POLR3F: variants seen among roughly 807,000 people sequenced by gnomAD.
The protein encoded by POLR3F is RNA polymerase III subunit F.
In POLR3F, 31 loss-of-function variants were observed where a neutral mutation model predicts 43.6. That is an observed-to-expected ratio of 0.71 (90% CI 0.53 to 0.96). POLR3F has a LOEUF of 0.96. Among genes scored for constraint, POLR3F ranks in the 40% least tolerant of loss-of-function variants. POLR3F has a pLI of 0.00. For synonymous variants in POLR3F, 114 were observed against 132.5 expected (o/e 0.86, Z 0.96); for missense variants, 316 against 391.7 (o/e 0.81, Z 1.63).
Position 18,480,423 on chromosome 20 carries a change from A to G in POLR3F, c.595A>G (p.Lys199Glu). The G allele has an allele frequency of 1.9e-6, 3 of 1,611,120 alleles. No individual in the cohort carries two copies. Among genetic ancestry groups the G allele is most frequent in the Non-Finnish European group, 2.5e-6 (3 of 1,177,336 alleles). The part of the protein sequence containing the change: ...QSKAETARES[K>E]QNPMIQRNSS... ...ATAGGCAGAAACAGCACGAGAAAGC[A>G]AACAGAACCCAATGATACAAAGAAA... The change falls in exon 7 of 9, where the codon AAA (lysine) becomes GAA (glutamate). Residue 199 changes from lysine to glutamate, a missense_variant. Lys to Glu is a moderately conservative substitution (Grantham distance 56). This residue lies in a region of POLR3F where 109 missense variants were observed against 177.7 expected (regional missense o/e 0.61). Transcript: ENST00000377603.
intron 1 of POLR3F, among the ~76,000 whole-genome samples, chr20:18,468,365 G>A (rs1471174740): frequency 6.6e-6 from 1 of 152,152 alleles, no homozygotes; most frequent in Non-Finnish European, 1.5e-5. Context: ...GTGAGCCACC[G>A]CGCCCGGCCC....
At chr20:18,482,622 C>T (rs1009024171) in intron 8 of POLR3F, among the ~76,000 whole-genome samples, 1 of 152,128 alleles carries the variant, frequency 6.6e-6, no homozygotes, top group Non-Finnish European at 1.5e-5. Context: ...CCCCAGCACT[C>T]CTCCTTCATT....
Position 18,467,459 on chromosome 20 carries a change from G to T in POLR3F, c.-48G>T, listed in dbSNP as rs182853828. ...TCCCCGGGTTCCCCGGCTTGCTACC[G>T]GGCTGCTCCGTGCATCTTTCCCCCC... On this transcript the variant is annotated 5_prime_UTR_variant, in exon 1 of 9. Coordinates refer to ENST00000377603, the MANE Select transcript of POLR3F (RefSeq NM_006466.4). 4.3e-5 allele frequency: 69 copies of T among 1,608,994 alleles called. No individual in the cohort carries two copies. In the Admixed American group the frequency reaches 9.8e-4, roughly 23 times the overall value.
At chr20:18,475,288 A>T (rs1356600367) in intron 5 of POLR3F, 101 bp downstream of exon 5, 10 of 562,484 alleles carry the variant, frequency 1.8e-5, no homozygotes, top group Non-Finnish European at 3.2e-5. Flanking sequence ...AAAAAGACTT[A>T]AAAATTTAGC....
At chr20:18,481,012 C>G (rs1300082728) in intron 7 of POLR3F, among the ~76,000 whole-genome samples, 1 of 152,122 alleles carries the variant, frequency 6.6e-6, no homozygotes, top group South Asian at 2.1e-4. Context: ...TTTTATAAAT[C>G]TCCAATAAAT....
At chr20:18,482,562 G>C (rs1038052551) in intron 8 of POLR3F, among the ~76,000 whole-genome samples, 1 of 152,126 alleles carries the variant, frequency 6.6e-6, no homozygotes, top group Non-Finnish European at 1.5e-5. Context: ...ATACAGCTTA[G>C]AAGTAACCGG....
Position 18,480,484 on chromosome 20 carries a change from A to G in POLR3F, c.656A>G (p.Tyr219Cys), listed in dbSNP as rs2148867241. The G allele has an allele frequency of 1.9e-6, 3 of 1,598,924 alleles. No individual in the cohort carries two copies. The highest frequency in any genetic ancestry group is 4.5e-5 in the East Asian group (2 of 44,784). The stretch of plus-strand genomic sequence containing the variant: ...GCCTCATCACATGAAGTGTGGAAAT[A>G]TATCTGCGAATTGGGAATCAGTAAG... ...SFASSHEVWK[Y>C]ICELGISKVE... is the part of the protein sequence containing the mutation. Residue 219 changes from tyrosine to cysteine, a missense_variant, in exon 7 of 9, where the codon TAT becomes TGT. By Grantham distance (194) the Tyr-to-Cys change is radical. Coordinates refer to ENST00000377603, the MANE Select transcript of POLR3F (RefSeq NM_006466.4).
At chr20:18,472,078 T>C (rs950112873) in intron 2 of POLR3F, among the ~76,000 whole-genome samples, 1 of 152,232 alleles carries the variant, frequency 6.6e-6, no homozygotes, top group African/African-American at 2.4e-5. Context: ...TGGGTTCTCT[T>C]AAGTTCGGAC....
chr20:18,475,307 G>T (rs2059774215), intron 5 of POLR3F, 120 bp downstream of exon 5: 1 of 529,738 alleles, frequency 1.9e-6, no homozygotes, highest in African/African-American at 2.0e-5. Flanking sequence ...GCTCATGTTG[G>T]ATTGGTTTGG....
intron 8 of POLR3F, 152 bp downstream of exon 8, chr20:18,481,962 A>G (rs1213259551): frequency 1.9e-6 from 1 of 522,336 alleles, no homozygotes; most frequent in Non-Finnish European, 3.4e-6. Context: ...ACAGACCTTT[A>G]ATGAACACAT....
Position 18,481,791 on chromosome 20 carries a change from C to A in POLR3F, c.854C>A (p.Ala285Glu). The part of the protein sequence containing the change: ...PIIPPTGLVR[A>E]PCGLCPVFDD... ...ATCCCTCCCACAGGTTTGGTCCGGG[C>A]ACCCTGTGGACTCTGCCCGGTGAGT... Residue 285 changes from alanine to glutamate, a missense_variant, in exon 8 of 9, where the codon GCA (alanine) becomes GAA (glutamate). Ala to Glu is a moderately radical substitution (Grantham distance 107). Transcript: ENST00000377603. 6.2e-7 allele frequency: 1 copy of A among 1,612,830 alleles called. No homozygotes were observed.
rs1480124275 is a variant in POLR3F at position 18,475,253 on chromosome 20, T to C, written c.429+66T>C. The C allele has an allele frequency of 1.8e-5, 12 of 680,836 alleles. No homozygotes were observed. In the Admixed American group the frequency reaches 2.0e-4, roughly 12 times the overall value. 42.2% of individuals were successfully genotyped at this position (680,836 alleles called of 1,614,324 possible). A position where few individuals can be genotyped will look rare whatever the true frequency, so the allele number is the denominator to read the frequency against. ...CTTCAAGTTTTTATTCTTGAAGTTATGTCATGATTTAGAACAGCTGGTCAA... is the reference window on the plus strand; with the variant it reads ...CTTCAAGTTTTTATTCTTGAAGTTACGTCATGATTTAGAACAGCTGGTCAA... On this transcript the variant is annotated intron_variant, in intron 5 of 8. Transcript: ENST00000377603.
intron 2 of POLR3F, chr20:18,470,580 CTG>C (rs1293559626): frequency 6.5e-6 from 1 of 154,856 alleles, no homozygotes; most frequent in Non-Finnish European, 1.5e-5. Context: ...AGTTATTTCA[CTG>C]TGGTGAAGGT....
intron 5 of POLR3F, among the ~76,000 whole-genome samples, chr20:18,479,753 G>A (rs1160790035): frequency 6.6e-6 from 1 of 152,158 alleles, no homozygotes; most frequent in Non-Finnish European, 1.5e-5. Context: ...ATGATGTCCT[G>A]GATGGAATCC....
chr20:18,467,524 G>A lies in POLR3F; in HGVS notation c.18G>A (p.Val6=), dbSNP rs1379851416. 6 of 1,614,298 alleles carry A rather than the reference G, an allele frequency of 3.7e-6. No homozygotes were observed. Among genetic ancestry groups the A allele is most frequent in the Non-Finnish European group, 5.1e-6 (6 of 1,180,056 alleles). The change falls in exon 1 of 9, where the codon GTG becomes GTA. Residue 6 remains valine (V), a synonymous_variant. Coordinates refer to ENST00000377603, the MANE Select transcript of POLR3F (RefSeq NM_006466.4). ...GCGCCCTCATGGCGGAGGTGAAGGT[G>A]AAGGTGCAGCCGCCTGACGCGGATC... The part of the protein sequence containing the change: MAEVK[V]KVQPPDADPV...
At chr20:18,481,561 C>T (rs996003210) in intron 7 of POLR3F, 58 bp from the exon 8 acceptor site, 3 of 1,182,050 alleles carry the variant, frequency 2.5e-6, no homozygotes, top group African/African-American at 1.5e-5. Flanking sequence ...TTTTAACACC[C>T]TCCAAGTGGA....
chr20:18,483,523 A>G lies in POLR3F; in HGVS notation c.916A>G (p.Asn306Asp), dbSNP rs1360876659. Reference sequence around the variant, plus strand: ...CGAAGGTGGTGAGATTTCACCATCTAACTGTATTTACATGACAGAGTGGCT... The same window carrying G: ...CGAAGGTGGTGAGATTTCACCATCTGACTGTATTTACATGACAGAGTGGCT... ...CHEGGEISPS[N>D]CIYMTEWLEF The change falls in exon 9 of 9, where the codon AAC (asparagine) becomes GAC (aspartate). Residue 306 changes from asparagine to aspartate, a missense_variant. This residue lies in a region of POLR3F where 85 missense variants were observed against 80.2 expected (regional missense o/e 1.06). Coordinates refer to ENST00000377603, the MANE Select transcript of POLR3F (RefSeq NM_006466.4). 3 of 1,540,100 alleles carry G rather than the reference A, an allele frequency of 1.9e-6. No individual in the cohort carries two copies. The highest frequency in any genetic ancestry group is 3.8e-5 in the Admixed American group (2 of 52,354).
chr20:18,477,370 TTTG>T (rs1339148014), intron 5 of POLR3F, among the ~76,000 whole-genome samples: 7 of 152,210 alleles, frequency 4.6e-5, no homozygotes, highest in Non-Finnish European at 1.0e-4. Flanking sequence ...TTTCAGTCCT[TTTG>T]TTAAAAAACT....
chr20:18,469,717 C>T (rs1039956625), intron 2 of POLR3F, among the ~76,000 whole-genome samples: 1 of 152,152 alleles, frequency 6.6e-6, no homozygotes, highest in Non-Finnish European at 1.5e-5. Context: ...AATAATTATG[C>T]GTTATAAGAC....
Sources: gnomAD v4.1 joint callset for allele counts (sites outside exome capture counted in the v4.1 genomes callset) on GRCh38, gnomAD v4.1.1 for gene constraint, gnomAD v4.1.1 regional missense constraint, MANE v1.5 for transcripts, NCBI Gene and HGNC (gene_info 2026-07-23, HGNC 2026-07-21) for gene names.